The following PALLD variants were observed in gnomAD, a reference collection of about 807,000 sequenced individuals.
The protein encoded by PALLD is palladin, cytoskeletal associated protein, also known as palladin.
In PALLD, 61 loss-of-function variants were observed where a neutral mutation model predicts 123.5. The observed-to-expected ratio is 0.49, with a 90% confidence interval of 0.40 to 0.61. The LOEUF is 0.61. Ranked by LOEUF, PALLD falls within the 20% of genes least tolerant of loss-of-function variation. The pLI is 0.00. For synonymous variants in PALLD, 465 were observed against 496.4 expected (o/e 0.94, Z 0.84); for missense variants, 1,273 against 1,377.0 (o/e 0.92, Z 1.20).
chr4:168,908,360 T>C (rs1421298120), intron 15 of PALLD, among the ~76,000 whole-genome samples: 1 of 152,196 alleles, frequency 6.6e-6, no homozygotes, highest in Non-Finnish European at 1.5e-5. Flanking sequence ...TTTGTTGCTG[T>C]AAGGATGCCA....
At chr4:168,546,817 C>A (rs1433029057) in intron 2 of PALLD, among the ~76,000 whole-genome samples, 1 of 152,132 alleles carries the variant, frequency 6.6e-6, no homozygotes, top group East Asian at 1.9e-4. Context: ...ATTTCCTGAA[C>A]CTGATTATAC....
chr4:168,910,212 C>G (rs1281084585), intron 15 of PALLD, among the ~76,000 whole-genome samples: 1 of 143,036 alleles, frequency 7.0e-6, no homozygotes, highest in Non-Finnish European at 1.5e-5. Context: ...AGTATGCCAA[C>G]CTGTTTACTT....
Position 168,924,965 on chromosome 4 carries a change from G to A in PALLD, c.3245G>A (p.Gly1082Asp), listed in dbSNP as rs1409882717. ...TCCAGCATGCACCAGGACAACCACG[G>A]CTACATCTGCCTGCTCATTCAGGGA... ...DRVSMHQDNH[G>D]YICLLIQGAT... The change falls in exon 20 of 22, where the codon GGC becomes GAC. Residue 1082 changes from glycine (G) to aspartate (D), a missense_variant. Gly to Asp is a moderately conservative substitution (Grantham distance 94, BLOSUM62 -1). Coordinates refer to ENST00000505667, the MANE Select transcript of PALLD (RefSeq NM_001166108.2). The A allele has an allele frequency of 8.7e-6, 14 of 1,614,030 alleles. No homozygotes were observed. In the South Asian group the frequency reaches 1.5e-4, roughly 18 times the overall value.
chr4:168,831,582 C>T (rs1744205264), intron 10 of PALLD, among the ~76,000 whole-genome samples: 1 of 152,262 alleles, frequency 6.6e-6, no homozygotes, highest in Non-Finnish European at 1.5e-5. Context: ...TATGTGCTTT[C>T]CCTCCCCACA....
intron 2 of PALLD, chr4:168,631,870 G>C (rs1297083975): frequency 1.0e-6 from 1 of 985,424 alleles, no homozygotes; most frequent in Non-Finnish European, 1.2e-6. Flanking sequence ...TTGTTTGGGA[G>C]TGGGGGCAGA....
At chr4:168,918,325 G>GATAGATATATAT (rs1553981957) in intron 17 of PALLD, among the ~76,000 whole-genome samples, 1 of 149,460 alleles carries the variant, frequency 6.7e-6, no homozygotes, top group East Asian at 2.0e-4. Context: ...GAAAATATGA[G>GATAGATATATAT]ATATATATAT....
At chr4:168,831,476 A>G (rs1744190455) in intron 10 of PALLD, among the ~76,000 whole-genome samples, 1 of 152,188 alleles carries the variant, frequency 6.6e-6, no homozygotes, top group African/African-American at 2.4e-5. Context: ...TAATTAATGG[A>G]AATCTAAAAA....
chr4:168,816,946 A>G (rs992923765), intron 10 of PALLD, among the ~76,000 whole-genome samples: 10 of 151,866 alleles, frequency 6.6e-5, no homozygotes, highest in Non-Finnish European at 1.5e-4. Context: ...TTTGAACAAG[A>G]CAAAGAGCAG....
At chr4:168,769,959 T>C (rs1448434915) in intron 10 of PALLD, among the ~76,000 whole-genome samples, 4 of 152,206 alleles carry the variant, frequency 2.6e-5, no homozygotes, top group Non-Finnish European at 5.9e-5. Flanking sequence ...GTGCAGAGCC[T>C]TCAGCAACAT....
chr4:168,687,077 TC>T (rs1782136666), intron 6 of PALLD, among the ~76,000 whole-genome samples: 3 of 152,112 alleles, frequency 2.0e-5, no homozygotes, highest in Admixed American at 6.5e-5. Context: ...GACAAACAAT[TC>T]CTAGTAAACT....
chr4:168,532,713 T>C (rs1254386554), intron 2 of PALLD, among the ~76,000 whole-genome samples: 1 of 151,916 alleles, frequency 6.6e-6, no homozygotes, highest in Non-Finnish European at 1.5e-5. Context: ...GGAAAAGACA[T>C]CATAAATAGG....
chr4:168,791,142 C>T (rs1351049311), intron 10 of PALLD, among the ~76,000 whole-genome samples: 1 of 152,146 alleles, frequency 6.6e-6, no homozygotes, highest in Non-Finnish European at 1.5e-5. Context: ...GTGTTTGCAG[C>T]CCTGACCTAA....
At position 168,512,530 on chromosome 4, in the gene PALLD, T is replaced by C. The variant is rs530280941; in HGVS notation, c.908+118T>C. ...CCTCTGGAGACTGAGGTAGAGTACTTGCAAGGAGAGAAGCAGCCCAGAATC... is the reference window on the plus strand; with the variant it reads ...CCTCTGGAGACTGAGGTAGAGTACTCGCAAGGAGAGAAGCAGCCCAGAATC... On this transcript the variant is annotated intron_variant, in intron 2 of 21. Coordinates refer to ENST00000505667, the MANE Select transcript of PALLD (RefSeq NM_001166108.2). The C allele has an allele frequency of 1.4e-4, 139 of 975,290 alleles. No homozygotes were observed. The African/African-American group carries it at 1.8e-3, about 13-fold the overall frequency. The allele number at this position is 975,290 out of a possible 1,614,324, so 60.4% of individuals were successfully genotyped here.
intron 2 of PALLD, among the ~76,000 whole-genome samples, chr4:168,581,654 G>A (rs1561271096): frequency 6.6e-6 from 1 of 151,868 alleles, no homozygotes; most frequent in Non-Finnish European, 1.5e-5. Flanking sequence ...TTATATATAC[G>A]GATATTAACT....
rs1439116922 is a variant in PALLD at position 168,905,190 on chromosome 4, G to A, written c.2622+1284G>A. Among the ~76,000 whole-genome samples the A allele has an allele frequency of 1.2e-4, 14 of 112,800 alleles. No individual in the cohort carries two copies. The South Asian group carries it at 2.2e-3, about 17-fold the overall frequency. 74.0% of individuals were successfully genotyped at this position (112,800 alleles called of 152,430 possible). A position where few individuals can be genotyped will look rare whatever the true frequency, so the allele number is the denominator to read the frequency against. ...TTTTGAGATGGAATCTCACTCTGTCGCCCAGGCTGGAATGCAGTGGCGCGA... is the reference window on the plus strand; with the variant it reads ...TTTTGAGATGGAATCTCACTCTGTCACCCAGGCTGGAATGCAGTGGCGCGA... On this transcript the variant is annotated intron_variant, in intron 15 of 21. Transcript: ENST00000505667.
At chr4:168,850,523 CTTTTT>C (rs767777801) in intron 10 of PALLD, among the ~76,000 whole-genome samples, 12 of 34,704 alleles carry the variant, frequency 3.5e-4, no homozygotes, top group Non-Finnish European at 5.6e-4. Context: ...TCTGTCATTT[CTTTTT>C]TTTTTTTTTT....
chr4:168,613,779 G>A (rs1466979787), intron 2 of PALLD, among the ~76,000 whole-genome samples: 7 of 152,144 alleles, frequency 4.6e-5, no homozygotes, highest in South Asian at 2.1e-4. Flanking sequence ...ACTAGAACTC[G>A]TTATGGATAA....
chr4:168,832,168 C>T (rs1744328441), intron 10 of PALLD: 2 of 985,368 alleles, frequency 2.0e-6, no homozygotes, highest in South Asian at 4.7e-5. Flanking sequence ...CCCGGAGAGC[C>T]GAGGTAGGCG....
intron 10 of PALLD, among the ~76,000 whole-genome samples, chr4:168,720,415 T>C (rs1281249815): frequency 1.3e-5 from 2 of 152,196 alleles, no homozygotes; most frequent in East Asian, 3.8e-4. Context: ...AACAAAGCAA[T>C]TTAGTAATGG....
Sources: allele counts gnomAD v4.1 joint callset (sites outside exome capture counted in the v4.1 genomes callset), GRCh38; gene constraint gnomAD v4.1.1; transcripts MANE v1.5; gene names NCBI Gene and HGNC (gene_info 2026-07-23, HGNC 2026-07-21).